Variants in SPON1 observed in about 807,000 individuals in gnomAD.
The protein encoded by SPON1 is spondin-1.
In SPON1, 52 loss-of-function variants were observed where a neutral mutation model predicts 111.7. The ratio of observed to expected loss-of-function variants is 0.47; its 90% CI spans 0.37 to 0.59. The LOEUF (loss-of-function observed/expected upper bound fraction) is 0.59, where lower values mean the gene tolerates loss of function less well. Among genes scored for constraint, SPON1 ranks in the 20% least tolerant of loss-of-function variants. The pLI is 0.00. For synonymous variants in SPON1, 410 were observed against 395.8 expected (o/e 1.04, Z -0.43); for missense variants, 957 against 1,068.5 (o/e 0.90, Z 1.46).
rs1273310875 is a variant in SPON1 at position 14,255,752 on chromosome 11, G to A, written c.1198G>A (p.Val400Ile). 2 of 1,613,866 alleles carry A rather than the reference G, an allele frequency of 1.2e-6. No individual in the cohort carries two copies. Among genetic ancestry groups the A allele is most frequent in the African/African-American group, 2.7e-5 (2 of 75,016 alleles). ...YDPEGGSITQ[V>I]ARVVIERIAR... is the part of the protein sequence containing the mutation. The stretch of plus-strand genomic sequence containing the variant: ...CCCAGAGGGTGGGTCCATCACTCAA[G>A]TAGCCAGAGTTGTCATCGAGAGAAT... The change falls in exon 9 of 16, where the codon GTA becomes ATA. Residue 400 changes from valine to isoleucine, a missense_variant. Coordinates refer to ENST00000576479, the MANE Select transcript of SPON1 (RefSeq NM_006108.4).
At position 14,265,696 on chromosome 11, in the gene SPON1, C is replaced by T. The variant is rs1482608858; in HGVS notation, c.*9C>T. On this transcript the variant is annotated 3_prime_UTR_variant, in exon 16 of 16. Coordinates refer to ENST00000576479, the MANE Select transcript of SPON1 (RefSeq NM_006108.4). ...ATGTTCATCCTTGTTAGCAAGGGTA[C>T]GAGTTCCCCAGGGCTGCACTCTAGA... The T allele has an allele frequency of 9.3e-6, 15 of 1,611,974 alleles. No individual in the cohort carries two copies. The highest frequency in any genetic ancestry group is 2.2e-5 in the South Asian group (2 of 90,564).
In SPON1 at chr11:14,266,389, A is replaced by G. The variant is rs2133931007; in HGVS notation, c.*702A>G. The G allele has an allele frequency of 6.6e-6, 1 of 152,288 alleles. No individual in the cohort carries two copies. Among genetic ancestry groups the G allele is most frequent in the Non-Finnish European group, 1.5e-5 (1 of 68,046 alleles). 9.4% of individuals were successfully genotyped at this position (152,288 alleles called of 1,614,324 possible). ...GGTAGCTAGTTTTTACACCTGAGAT[A>G]AATAATAAGCTTAGAGTGTATTTTT... is the stretch of plus-strand genomic sequence containing the variant. On this transcript the variant is annotated 3_prime_UTR_variant, in exon 16 of 16. Coordinates refer to ENST00000576479, the MANE Select transcript of SPON1 (RefSeq NM_006108.4).
chr11:14,202,984 C>T (rs530297137), intron 6 of SPON1, among the ~76,000 whole-genome samples: 6 of 152,188 alleles, frequency 3.9e-5, no homozygotes, highest in African/African-American at 7.2e-5. Flanking sequence ...CCATTCACCA[C>T]GCCAAAAAGA....
intron 2 of SPON1, among the ~76,000 whole-genome samples, chr11:14,015,466 A>G (rs1366289818): frequency 6.6e-6 from 1 of 152,130 alleles, no homozygotes; most frequent in East Asian, 1.9e-4. Flanking sequence ...TAAAGCCTCC[A>G]CCTCTTAATA....
intron 5 of SPON1, among the ~76,000 whole-genome samples, chr11:14,129,985 T>TCA (rs1847508969): frequency 6.6e-6 from 1 of 150,486 alleles, no homozygotes; most frequent in African/African-American, 2.5e-5. Context: ...TTTCATGACC[T>TCA]CCCACCAAAT....
At chr11:14,231,452 T>C (rs1201068887) in intron 6 of SPON1, among the ~76,000 whole-genome samples, 1 of 152,204 alleles carries the variant, frequency 6.6e-6, no homozygotes, top group Non-Finnish European at 1.5e-5. Flanking sequence ...ATTTTTTTAA[T>C]GGCAATATAT....
intron 6 of SPON1, among the ~76,000 whole-genome samples, chr11:14,155,264 T>G (rs781809875): frequency 2.2e-4 from 34 of 152,210 alleles, no homozygotes; most frequent in Non-Finnish European, 4.7e-4. Context: ...GTACCAATTT[T>G]CTGTATTAGT....
intron 3 of SPON1, among the ~76,000 whole-genome samples, chr11:14,054,164 G>GC (rs1848727888): frequency 6.6e-6 from 1 of 152,070 alleles, no homozygotes; most frequent in East Asian, 1.9e-4. Flanking sequence ...TTTTTCCTTG[G>GC]GCATTTTCCT....
chr11:14,135,850 G>A lies in SPON1; in HGVS notation c.825+282G>A, dbSNP rs1554928025. 6.6e-6 allele frequency among the ~76,000 whole-genome samples: 1 copy of A among 152,198 alleles called. No individual in the cohort carries two copies. Among genetic ancestry groups the A allele is most frequent in the East Asian group, 1.9e-4 (1 of 5,200 alleles). On this transcript the variant is annotated intron_variant, in intron 6 of 15. Coordinates refer to ENST00000576479, the MANE Select transcript of SPON1 (RefSeq NM_006108.4). This position sits in a 1 kb window ranked among gnomAD's most constrained non-coding sequence, Gnocchi z 4.4. ...ATGCCTTGTCTCTAGTCTCCTGAGA[G>A]TCAAAGCCATGAATTAAGGTTTTCT... is the stretch of plus-strand genomic sequence containing the variant.
chr11:14,014,197 T>C (rs7105765), intron 2 of SPON1, among the ~76,000 whole-genome samples: 47,665 of 152,006 alleles, frequency 0.31, 8,387 homozygotes, highest in South Asian at 0.52. Flanking sequence ...GGGTGCAGCC[T>C]GGTGCCTTAT....
intron 6 of SPON1, among the ~76,000 whole-genome samples, chr11:14,190,603 C>A (rs1329513405): frequency 1.3e-5 from 2 of 151,144 alleles, no homozygotes; most frequent in Admixed American, 1.3e-4. Flanking sequence ...CTTCTTCCTT[C>A]CTCCTTCCTC....
At chr11:14,261,264 C>T (rs1246716839) in intron 14 of SPON1, among the ~76,000 whole-genome samples, 4 of 152,160 alleles carry the variant, frequency 2.6e-5, no homozygotes, top group South Asian at 2.1e-4. Flanking sequence ...AAAGTCTCTG[C>T]GATCAGCTGT....
At chr11:14,154,588 G>T (rs997741322) in intron 6 of SPON1, among the ~76,000 whole-genome samples, 1 of 152,234 alleles carries the variant, frequency 6.6e-6, no homozygotes, top group African/African-American at 2.4e-5. Context: ...TGATGGGACA[G>T]GCTGCTGTGA....
At chr11:14,174,096 TC>T (rs1409167530) in intron 6 of SPON1, among the ~76,000 whole-genome samples, 3 of 152,138 alleles carry the variant, frequency 2.0e-5, no homozygotes, top group Non-Finnish European at 4.4e-5. Context: ...CAAAGACAGT[TC>T]CCCAAAATTA....
Position 14,259,671 on chromosome 11 carries a change from C to T in SPON1, c.1801C>T (p.Gln601Ter). Residue 601 changes from glutamine to a stop codon, truncating the protein, a stop_gained, in exon 13 of 16, where the codon CAG (glutamine) becomes TAG (stop). Transcript: ENST00000576479. LOFTEE classifies it high-confidence loss of function. The surrounding 1 kb of genome is among the most constrained non-coding windows in gnomAD (Gnocchi z 5.0). ...CTCCATGTGCAAAGCCGAGACATCACAGGCAGAGAAGTGCATGATGCCAGA... is the reference window on the plus strand; with the variant it reads ...CTCCATGTGCAAAGCCGAGACATCATAGGCAGAGAAGTGCATGATGCCAGA... ...DGSMCKAETS[Q>*]AEKCMMPECH... 6.4e-7 allele frequency: 1 copy of T among 1,573,240 alleles called. No homozygotes were observed. Among genetic ancestry groups the T allele is most frequent in the Non-Finnish European group, 8.6e-7 (1 of 1,159,426 alleles).
chr11:13,990,304 C>T (rs1195989884), intron 2 of SPON1, among the ~76,000 whole-genome samples: 8 of 146,446 alleles, frequency 5.5e-5, no homozygotes, highest in Non-Finnish European at 9.0e-5. Flanking sequence ...CTGTAATGCC[C>T]TTCTTTGTCT....
chr11:14,071,332 C>T (rs941375362), intron 3 of SPON1, among the ~76,000 whole-genome samples: 1 of 152,128 alleles, frequency 6.6e-6, no homozygotes, highest in Non-Finnish European at 1.5e-5. Context: ...GAATGTTGGT[C>T]TTCCTCAGGG....
chr11:14,243,599 C>G (rs144484184), intron 7 of SPON1, among the ~76,000 whole-genome samples: 3 of 152,344 alleles, frequency 2.0e-5, no homozygotes, highest in African/African-American at 7.2e-5. Context: ...TGTTTTCCCC[C>G]AATGGCTTTA....
At chr11:14,177,165 C>T (rs569593712) in intron 6 of SPON1, among the ~76,000 whole-genome samples, 9 of 152,112 alleles carry the variant, frequency 5.9e-5, no homozygotes, top group Admixed American at 2.0e-4. Flanking sequence ...CTCAGCCTCC[C>T]GAGTAGCTGG....
Sources: gnomAD v4.1 joint callset for allele counts (sites outside exome capture counted in the v4.1 genomes callset) on GRCh38, gnomAD v4.1.1 for gene constraint, Gnocchi (gnomAD v3.1) non-coding constraint, MANE v1.5 for transcripts, NCBI Gene and HGNC (gene_info 2026-07-23, HGNC 2026-07-21) for gene names.